C17orf67: variants seen among roughly 807,000 people sequenced by gnomAD.
C17orf67 encodes the protein uncharacterized protein C17orf67.
A neutral mutation model predicts 11.2 loss-of-function variants in C17orf67; 12 were observed. The observed-to-expected ratio is 1.07, with a 90% CI of 0.68 to 1.73. The LOEUF (loss-of-function observed/expected upper bound fraction) is 1.73, where lower values mean the gene tolerates loss of function less well. Among genes scored for constraint, C17orf67 ranks in the 40% most tolerant of loss-of-function variants. C17orf67 has a pLI of 0.00. For missense variants in C17orf67, 115 were observed against 113.5 expected, an observed-to-expected ratio of 1.01 and a Z score of -0.06; for synonymous variants, 59 against 46.9, an observed-to-expected ratio of 1.26 and a Z score of -1.05.
intron 6 of C17orf67, among the ~76,000 whole-genome samples, chr17:56,806,321 T>G (rs113864566): frequency 0.014 from 2,113 of 152,296 alleles, 35 homozygotes; most frequent in South Asian, 0.027. Flanking sequence ...GGTTTCCAAT[T>G]TTTCAATAGT....
intron 6 of C17orf67, among the ~76,000 whole-genome samples, chr17:56,812,304 G>A (rs746586757): frequency 9.2e-5 from 14 of 152,194 alleles, no homozygotes; most frequent in Non-Finnish European, 1.8e-4. Flanking sequence ...TGTGCCCTGT[G>A]TAGGGTGTTT....
At chr17:56,814,305 C>T (rs1905701075) in intron 6 of C17orf67, among the ~76,000 whole-genome samples, 1 of 152,126 alleles carries the variant, frequency 6.6e-6, no homozygotes, top group African/African-American at 2.4e-5. Flanking sequence ...GGGTCCGGGG[C>T]CAGCATAGCA....
chr17:56,801,548 T>A (rs925567558), intron 6 of C17orf67, among the ~76,000 whole-genome samples: 1 of 152,082 alleles, frequency 6.6e-6, no homozygotes, highest in Non-Finnish European at 1.5e-5. Flanking sequence ...CCAAGACCCA[T>A]GCAGTTTGGA....
intron 2 of C17orf67, among the ~76,000 whole-genome samples, chr17:56,829,624 G>A (rs1906138804): frequency 6.6e-6 from 1 of 152,218 alleles, no homozygotes; most frequent in Non-Finnish European, 1.5e-5. Context: ...TGAGGCCAGT[G>A]GATCTAGGGG....
At chr17:56,819,085 A>T (rs1444242425) in intron 4 of C17orf67, among the ~76,000 whole-genome samples, 1 of 152,178 alleles carries the variant, frequency 6.6e-6, no homozygotes, top group East Asian at 1.9e-4. Flanking sequence ...GAGTCAGAAT[A>T]AAATTAAAAT....
intron 5 of C17orf67, among the ~76,000 whole-genome samples, chr17:56,815,352 T>C (rs9889321): frequency 0.4 from 60,386 of 152,026 alleles, 13,261 homozygotes; most frequent in East Asian, 0.81. Flanking sequence ...AGATGCCCAG[T>C]GATAATAAGA....
intron 4 of C17orf67, among the ~76,000 whole-genome samples, chr17:56,816,687 T>A (rs1192118227): frequency 6.6e-6 from 1 of 152,170 alleles, no homozygotes; most frequent in Non-Finnish European, 1.5e-5. Flanking sequence ...TTACAGGGCC[T>A]CACGCAACAT....
chr17:56,828,182 G>T (rs993741267), intron 2 of C17orf67, among the ~76,000 whole-genome samples: 3 of 151,754 alleles, frequency 2.0e-5, no homozygotes, highest in African/African-American at 4.8e-5. Flanking sequence ...AGGGTGGGTG[G>T]ATCATCTGAG....
At chr17:56,815,041 G>A (rs573408483) in intron 5 of C17orf67, 72 bp from the exon 6 acceptor site, 22 of 1,304,276 alleles carry the variant, frequency 1.7e-5, no homozygotes, top group Non-Finnish European at 2.3e-5. Flanking sequence ...ACAGTCCAAG[G>A]CAAAAGATTT....
chr17:56,830,205 C>T (rs972917473), intron 2 of C17orf67, among the ~76,000 whole-genome samples: 6 of 151,970 alleles, frequency 3.9e-5, no homozygotes, highest in Non-Finnish European at 7.4e-5. Flanking sequence ...ATTAGCCGGG[C>T]GTGGTGGCGG....
chr17:56,832,043 G>A (rs7209198), intron 2 of C17orf67, among the ~76,000 whole-genome samples: 69,560 of 151,900 alleles, frequency 0.46, 16,621 homozygotes, highest in East Asian at 0.89. Context: ...CGCCTCCTGG[G>A]TTAAGCAATT....
chr17:56,803,608 G>A (rs1905377027), intron 6 of C17orf67, among the ~76,000 whole-genome samples: 2 of 152,108 alleles, frequency 1.3e-5, no homozygotes. Flanking sequence ...GTATAAAGGA[G>A]CAAATGAATA....
intron 6 of C17orf67, among the ~76,000 whole-genome samples, chr17:56,808,423 G>A (rs776986550): frequency 1.3e-5 from 2 of 151,970 alleles, no homozygotes; most frequent in Non-Finnish European, 2.9e-5. Context: ...CTCTTCATAC[G>A]CTACCTCCAT....
rs1245449793 is a variant in C17orf67 at position 56,825,230 on chromosome 17, A to G, written c.-465T>C. On this transcript the variant is annotated 5_prime_UTR_variant, in exon 3 of 8. Coordinates refer to ENST00000397861, the MANE Select transcript of C17orf67 (RefSeq NM_001085430.4). The stretch of plus-strand genomic sequence containing the variant: ...TCTGCGGTACCCTAAATGGTTGAAG[A>G]GCATCACAAACTTTGGCATCAGATA... 1 of 152,212 alleles carries G rather than the reference A, an allele frequency of 6.6e-6. No individual in the cohort carries two copies. The highest frequency in any genetic ancestry group is 1.5e-5 in the Non-Finnish European group (1 of 68,036). The allele number at this position is 152,212 out of a possible 1,614,324, so 9.4% of individuals were successfully genotyped here.
intron 2 of C17orf67, among the ~76,000 whole-genome samples, chr17:56,826,398 C>T (rs1486944380): frequency 6.6e-6 from 1 of 152,222 alleles, no homozygotes; most frequent in African/African-American, 2.4e-5. Context: ...CTTTAGAGAT[C>T]TCATCTAACC....
intron 2 of C17orf67, among the ~76,000 whole-genome samples, chr17:56,830,069 C>T (rs768178417): frequency 2.0e-5 from 3 of 152,214 alleles, no homozygotes; most frequent in South Asian, 2.1e-4. Flanking sequence ...TTTGGCCGGG[C>T]GTGGTGGCTC....
chr17:56,798,262 C>T (rs906731029), intron 6 of C17orf67, among the ~76,000 whole-genome samples: 2 of 152,124 alleles, frequency 1.3e-5, no homozygotes, highest in African/African-American at 4.8e-5. Flanking sequence ...CTTACTACCC[C>T]TTGTCCTACC....
chr17:56,796,040 G>A (rs1031971313), intron 6 of C17orf67, among the ~76,000 whole-genome samples: 1 of 151,912 alleles, frequency 6.6e-6, no homozygotes, highest in African/African-American at 2.4e-5. Context: ...AGAAAGCTAG[G>A]GTTGCTATGC....
In C17orf67 at chr17:56,833,669, C is replaced by G. The variant is rs561671757; in HGVS notation, c.-1053G>C. On this transcript the variant is annotated 5_prime_UTR_variant, in exon 1 of 8. Transcript: ENST00000397861. Reference sequence around the variant, plus strand: ...GGTGCCGCGCAGGCCGCCTCCCCCCCTCGCTTCCCAGTCGGCTTACGCATC... The same window carrying G: ...GGTGCCGCGCAGGCCGCCTCCCCCCGTCGCTTCCCAGTCGGCTTACGCATC... The G allele has an allele frequency of 3.9e-5, 6 of 152,174 alleles. No individual in the cohort carries two copies. Among genetic ancestry groups the G allele is most frequent in the East Asian group, 3.9e-4 (2 of 5,122 alleles). The allele number at this position is 152,174 out of a possible 1,614,324, so 9.4% of individuals were successfully genotyped here. A position where few individuals can be genotyped will look rare whatever the true frequency, so the allele number is the denominator to read the frequency against.
Sources: allele counts gnomAD v4.1 joint callset (sites outside exome capture counted in the v4.1 genomes callset), GRCh38; gene constraint gnomAD v4.1.1; transcripts MANE v1.5; gene names NCBI Gene and HGNC (gene_info 2026-07-23, HGNC 2026-07-21).